The following SPAG9 variants were observed in gnomAD, a reference collection of about 807,000 sequenced individuals.
SPAG9 encodes sperm associated antigen 9.
A neutral mutation model predicts 166.5 loss-of-function variants in SPAG9; 35 were observed. The observed-to-expected ratio is 0.21, with a 90% CI of 0.16 to 0.28. The LOEUF is 0.28. SPAG9 is among the 10% of genes least tolerant of loss of function. SPAG9 has a pLI of 1.00. For missense variants in SPAG9, 1,235 were observed against 1,603.3 expected (o/e 0.77, Z 3.92); for synonymous variants, 534 against 565.5 (o/e 0.94, Z 0.79).
chr17:51,059,556 AGCCTG>A (rs2047447642), intron 2 of SPAG9, among the ~76,000 whole-genome samples: 1 of 152,110 alleles, frequency 6.6e-6, no homozygotes, highest in Admixed American at 6.5e-5. Flanking sequence ...GTTCGAGAAC[AGCCTG>A]GCCAACATGG....
chr17:51,066,838 G>A (rs1036889973), intron 2 of SPAG9, among the ~76,000 whole-genome samples: 7 of 151,918 alleles, frequency 4.6e-5, no homozygotes, highest in Admixed American at 4.6e-4. Context: ...GCTGCAGTGA[G>A]CCGAGATTAC....
At chr17:51,095,671 TATATATATATATAGTG>T (rs932703047) in intron 1 of SPAG9, among the ~76,000 whole-genome samples, 18 of 126,230 alleles carry the variant, frequency 1.4e-4, no homozygotes, top group African/African-American at 7.9e-4. Context: ...AAAAAATGTG[TATATATATATATAGTG>T]ATATATATAT....
chr17:51,005,755 G>A (rs1237931068), intron 11 of SPAG9, among the ~76,000 whole-genome samples: 1 of 152,238 alleles, frequency 6.6e-6, no homozygotes, highest in Non-Finnish European at 1.5e-5. Flanking sequence ...GAAGGCTGAG[G>A]CAAGAGAATC....
intron 28 of SPAG9, among the ~76,000 whole-genome samples, chr17:50,971,208 G>A (rs543678611): frequency 6.6e-6 from 1 of 152,132 alleles, no homozygotes; most frequent in African/African-American, 2.4e-5. Flanking sequence ...TTGGGAGGTT[G>A]AGGCAGAAAG....
intron 1 of SPAG9, among the ~76,000 whole-genome samples, chr17:51,086,232 G>A (rs955632117): frequency 4.0e-5 from 6 of 151,754 alleles, no homozygotes; most frequent in African/African-American, 7.3e-5. Context: ...TGCCTGCGTC[G>A]GCCTCCCAAA....
chr17:51,055,795 A>T (rs2047348202), intron 3 of SPAG9, among the ~76,000 whole-genome samples: 1 of 152,186 alleles, frequency 6.6e-6, no homozygotes, highest in Non-Finnish European at 1.5e-5. Flanking sequence ...AAGATAACAG[A>T]AACAAAAGCA....
intron 8 of SPAG9, among the ~76,000 whole-genome samples, chr17:51,017,017 A>G (rs1238047848): frequency 6.6e-6 from 1 of 152,254 alleles, no homozygotes; most frequent in East Asian, 1.9e-4. Context: ...GAATTTAACT[A>G]ACAGAATTTG....
intron 8 of SPAG9, among the ~76,000 whole-genome samples, 156 bp downstream of exon 8, chr17:51,020,003 T>C (rs1474196245): frequency 6.6e-6 from 1 of 152,220 alleles, no homozygotes; most frequent in Non-Finnish European, 1.5e-5. Flanking sequence ...TTAAACCATG[T>C]ACAGTGTCCA....
At chr17:51,109,927 A>C (rs1420254879) in intron 1 of SPAG9, among the ~76,000 whole-genome samples, 1 of 151,568 alleles carries the variant, frequency 6.6e-6, no homozygotes, top group African/African-American at 2.4e-5. Flanking sequence ...ACCCAGGCTG[A>C]TCTTCAACTC....
intron 8 of SPAG9, among the ~76,000 whole-genome samples, chr17:51,018,354 ACTGC>A: frequency 6.6e-6 from 1 of 151,360 alleles, no homozygotes. Flanking sequence ...ACAGAGCAAG[ACTGC>A]ATCTCAAAAA....
chr17:51,005,685 T>C (rs2045183353), intron 11 of SPAG9, among the ~76,000 whole-genome samples: 1 of 152,192 alleles, frequency 6.6e-6, no homozygotes, highest in Non-Finnish European at 1.5e-5. Flanking sequence ...ACCCTGTCTC[T>C]ACTAACAGTA....
At chr17:50,986,032 A>C (rs1975024245) in intron 22 of SPAG9, among the ~76,000 whole-genome samples, 1 of 152,266 alleles carries the variant, frequency 6.6e-6, no homozygotes, top group Admixed American at 6.5e-5. Context: ...ATGCACAGTC[A>C]GGTTCACACA....
chr17:51,022,038 G>A (rs2045958558), intron 6 of SPAG9, among the ~76,000 whole-genome samples: 2 of 150,544 alleles, frequency 1.3e-5, no homozygotes, highest in African/African-American at 2.5e-5. Context: ...CAGGAGAATT[G>A]CTTGAACCTG....
intron 18 of SPAG9, among the ~76,000 whole-genome samples, chr17:50,994,830 C>T (rs934572016): frequency 1.3e-5 from 2 of 150,742 alleles, no homozygotes; most frequent in African/African-American, 5.0e-5. Context: ...TGATTACATA[C>T]GTGTACACAT....
intron 1 of SPAG9, among the ~76,000 whole-genome samples, chr17:51,115,082 T>C (rs927803019): frequency 1.3e-5 from 2 of 152,158 alleles, no homozygotes; most frequent in African/African-American, 2.4e-5. Flanking sequence ...GTGTCAAAAG[T>C]CTCCATTTAA....
intron 5 of SPAG9, among the ~76,000 whole-genome samples, chr17:51,033,069 A>G (rs184086671): frequency 7.2e-5 from 11 of 152,108 alleles, no homozygotes; most frequent in Admixed American, 7.2e-4. Context: ...TGACAAATAC[A>G]GCATATAGTT....
intron 1 of SPAG9, among the ~76,000 whole-genome samples, chr17:51,083,328 G>A (rs1043699520): frequency 6.7e-6 from 1 of 149,966 alleles, no homozygotes; most frequent in South Asian, 2.1e-4. Context: ...TCTGGCTCCC[G>A]AGTTCAAGTG....
chr17:51,070,790 A>G (rs934152497), intron 2 of SPAG9, among the ~76,000 whole-genome samples: 1 of 152,174 alleles, frequency 6.6e-6, no homozygotes, highest in Non-Finnish European at 1.5e-5. Flanking sequence ...CTGGGCTGCC[A>G]TGGTAAAAAA....
chr17:51,106,872 A>C (rs1017352422), intron 1 of SPAG9, among the ~76,000 whole-genome samples: 3 of 150,746 alleles, frequency 2.0e-5, no homozygotes, highest in African/African-American at 7.3e-5. Context: ...GGGAGGCTGA[A>C]GTGTGCAGAT....
Sources: allele counts gnomAD v4.1 joint callset (sites outside exome capture counted in the v4.1 genomes callset), GRCh38; gene constraint gnomAD v4.1.1; transcripts MANE v1.5; gene names NCBI Gene and HGNC (gene_info 2026-07-23, HGNC 2026-07-21).